The following LAMA2 variants were observed in gnomAD, a reference collection of about 807,000 sequenced individuals.
LAMA2 encodes the protein laminin subunit alpha 2.
LAMA2 carries 269 observed loss-of-function variants against 364.8 expected under a neutral mutation model. The ratio of observed to expected loss-of-function variants is 0.74; its 90% CI spans 0.67 to 0.82. LAMA2 has a LOEUF of 0.82. LAMA2 is among the 40% of genes least tolerant of loss of function. The pLI, the probability that LAMA2 is intolerant of heterozygous loss-of-function variation, is 0.00. For missense variants in LAMA2, 3,807 were observed against 3,873.2 expected (o/e 0.98, Z 0.45); for synonymous variants, 1,379 against 1,370.6 (o/e 1.01, Z -0.14).
intron 12 of LAMA2, among the ~76,000 whole-genome samples, chr6:129,211,714 G>A (rs1185856086): frequency 6.6e-6 from 1 of 152,100 alleles, no homozygotes; most frequent in African/African-American, 2.4e-5. Context: ...GAATTCTATA[G>A]GAAATGTTTC....
chr6:129,494,811 G>A (rs1785071991), intron 58 of LAMA2, among the ~76,000 whole-genome samples: 2 of 152,130 alleles, frequency 1.3e-5, no homozygotes, highest in Admixed American at 1.3e-4. Context: ...CAAAGGTAAG[G>A]TTAATGATCC....
chr6:129,099,014 T>C (rs1775348071), intron 4 of LAMA2, among the ~76,000 whole-genome samples: 1 of 152,176 alleles, frequency 6.6e-6, no homozygotes, highest in East Asian at 1.9e-4. Flanking sequence ...TCTGTCATCC[T>C]GTGGTTAAGA....
chr6:128,981,789 T>C (rs1782900697), intron 1 of LAMA2, among the ~76,000 whole-genome samples: 1 of 152,026 alleles, frequency 6.6e-6, no homozygotes, highest in Admixed American at 6.6e-5. Flanking sequence ...TTCCAGTTCC[T>C]CCAAAATAAC....
chr6:129,394,343 AC>A, intron 37 of LAMA2, among the ~76,000 whole-genome samples: 1 of 152,362 alleles, frequency 6.6e-6, no homozygotes, highest in African/African-American at 2.4e-5. Flanking sequence ...AATGACAGTA[AC>A]AATTGAATAC....
rs10522614 is a variant in LAMA2 at position 129,270,266 on chromosome 6, T to TAC, written c.2323-309_2323-308dup. Among the ~76,000 whole-genome samples, 170 of 143,030 alleles carry TAC rather than the reference T, an allele frequency of 1.2e-3. 1 individual carries two copies. The highest frequency in any genetic ancestry group is 3.7e-3 in the African/African-American group (139 of 38,024). The allele number at this position is 143,030 out of a possible 152,430, so 93.8% of individuals were successfully genotyped here. On this transcript the variant is annotated intron_variant, in intron 16 of 64. Transcript: ENST00000421865. Reference sequence around the variant, plus strand: ...ACATATGTTATTAGTGCTCTATGACTACACACACACACACACACACACACA... The same window carrying TAC: ...ACATATGTTATTAGTGCTCTATGACTACACACACACACACACACACACACACA...
rs1778795850 is a variant in LAMA2 at position 128,922,372 on chromosome 6, G to T, written c.112+39015G>T. On this transcript the variant is annotated intron_variant, in intron 1 of 64. Transcript: ENST00000421865. ...CTCCACATCCTCTCCAGCCCCTGTT[G>T]TTTCCTGACTTTTTAATGATTGCCA... Among the ~76,000 whole-genome samples the T allele has an allele frequency of 7.3e-5, 11 of 151,640 alleles. No individual in the cohort carries two copies. The South Asian group carries it at 2.3e-3, about 32-fold the overall frequency.
intron 45 of LAMA2, among the ~76,000 whole-genome samples, chr6:129,447,082 G>T (rs1376419824): frequency 6.6e-6 from 1 of 152,194 alleles, no homozygotes; most frequent in African/African-American, 2.4e-5. Flanking sequence ...GAAGTTTTAT[G>T]TAAGATTTAG....
intron 3 of LAMA2, among the ~76,000 whole-genome samples, chr6:129,078,499 T>C (rs1485317228): frequency 6.6e-6 from 1 of 152,090 alleles, no homozygotes; most frequent in African/African-American, 2.4e-5. Flanking sequence ...AAATAAAATA[T>C]TAAAAAATAA....
In LAMA2 at chr6:129,226,783, C is replaced by G. The variant is rs574057677; in HGVS notation, c.1783-23329C>G. Among the ~76,000 whole-genome samples the G allele has an allele frequency of 1.8e-3, 276 of 152,240 alleles. 1 individual carries two copies. The highest frequency in any genetic ancestry group is 6.0e-3 in the African/African-American group (250 of 41,560). ...CTTAACATTTTTTCCTTCATTTCAACTTTGGTGAATCTGACAATTATGTGT... is the reference window on the plus strand; with the variant it reads ...CTTAACATTTTTTCCTTCATTTCAAGTTTGGTGAATCTGACAATTATGTGT... On this transcript the variant is annotated intron_variant, in intron 12 of 64. Transcript: ENST00000421865.
chr6:129,037,871 G>A (rs184778442), intron 1 of LAMA2, among the ~76,000 whole-genome samples: 109 of 152,024 alleles, frequency 7.2e-4, no homozygotes, highest in Non-Finnish European at 1.2e-3. Context: ...GGGTTTCACC[G>A]TGTTAGCCAG....
chr6:129,384,957 A>G (rs1418914988), intron 35 of LAMA2, among the ~76,000 whole-genome samples: 1 of 149,824 alleles, frequency 6.7e-6, no homozygotes, highest in East Asian at 2.0e-4. Context: ...ATTGAATGAA[A>G]GGTCAAATTT....
At chr6:129,498,345 G>A (rs1048757475) in intron 58 of LAMA2, among the ~76,000 whole-genome samples, 2 of 152,202 alleles carry the variant, frequency 1.3e-5, no homozygotes, top group Admixed American at 1.3e-4. Context: ...ACACCTTTAA[G>A]ACCTAAGTAC....
intron 56 of LAMA2, among the ~76,000 whole-genome samples, chr6:129,489,021 A>G (rs2114853619): frequency 6.6e-6 from 1 of 152,382 alleles, no homozygotes; most frequent in Admixed American, 6.5e-5. Context: ...GTATTAAATG[A>G]GATGATATAT....
At chr6:129,160,604 T>C (rs1213943604) in intron 8 of LAMA2, among the ~76,000 whole-genome samples, 1 of 151,888 alleles carries the variant, frequency 6.6e-6, no homozygotes, top group Non-Finnish European at 1.5e-5. Context: ...ATTTGACCTG[T>C]TTTGGTTTTA....
At chr6:128,909,758 T>G (rs1777765269) in intron 1 of LAMA2, among the ~76,000 whole-genome samples, 1 of 152,192 alleles carries the variant, frequency 6.6e-6, no homozygotes, top group African/African-American at 2.4e-5. Context: ...TTGGCATGAT[T>G]TTGCAGTGGC....
In LAMA2 at chr6:129,481,378, T is replaced by C; in HGVS notation, c.7688T>C (p.Ile2563Thr). ...SFSTKNESGI[I>T]LLGSGGTPAP... ...AGCACCAAGAATGAGTCCGGCATCATTCTTTTGGGAAGTGGAGGGACACCA... is the reference window on the plus strand; with the variant it reads ...AGCACCAAGAATGAGTCCGGCATCACTCTTTTGGGAAGTGGAGGGACACCA... Residue 2563 changes from isoleucine to threonine, a missense_variant, in exon 55 of 65, where the codon ATT becomes ACT. Ile to Thr is a moderately conservative substitution (Grantham distance 89). Coordinates refer to ENST00000421865, the MANE Select transcript of LAMA2 (RefSeq NM_000426.4). The C allele has an allele frequency of 1.9e-6, 3 of 1,613,984 alleles. No homozygotes were observed. The highest frequency in any genetic ancestry group is 2.5e-6 in the Non-Finnish European group (3 of 1,179,912).
At chr6:129,319,244 C>A (rs2451686) in intron 27 of LAMA2, among the ~76,000 whole-genome samples, 138,347 of 152,234 alleles carry the variant, frequency 0.91, 62,869 homozygotes, top group East Asian at 0.97. Context: ...GTAGTAAATT[C>A]AAAGCAATTT....
intron 52 of LAMA2, 124 bp downstream of exon 52, chr6:129,473,476 ATC>A: frequency 1.2e-6 from 1 of 829,362 alleles, no homozygotes; most frequent in Non-Finnish European, 2.0e-6. Context: ...GAAAGGCCTA[ATC>A]AAAAACATCA....
intron 11 of LAMA2, among the ~76,000 whole-genome samples, chr6:129,190,783 G>C (rs1055237730): frequency 2.6e-5 from 4 of 152,138 alleles, no homozygotes; most frequent in Non-Finnish European, 4.4e-5. Flanking sequence ...ATTTGATGTT[G>C]CCTAGGCTCT....
Sources: gnomAD v4.1 joint callset for allele counts (sites outside exome capture counted in the v4.1 genomes callset) on GRCh38, gnomAD v4.1.1 for gene constraint, MANE v1.5 for transcripts, NCBI Gene and HGNC (gene_info 2026-07-23, HGNC 2026-07-21) for gene names.